The following SLC25A26 variants were observed in gnomAD, a reference collection of about 807,000 sequenced individuals.
SLC25A26 encodes the protein mitochondrial S-adenosylmethionine carrier protein.
In SLC25A26, 36 loss-of-function variants were observed where a neutral mutation model predicts 37.8. The observed-to-expected ratio is 0.95, with a 90% confidence interval of 0.73 to 1.26. The LOEUF (loss-of-function observed/expected upper bound fraction) is 1.26, where lower values mean the gene tolerates loss of function less well. SLC25A26 is among the 50% of genes most tolerant of loss of function. The pLI, the probability that SLC25A26 is intolerant of heterozygous loss-of-function variation, is 0.00. For missense variants in SLC25A26, 390 were observed against 331.1 expected (o/e 1.18, Z -1.38); for synonymous variants, 129 against 122.5 (o/e 1.05, Z -0.35).
chr3:66,324,966 G>C (rs1265329989), intron 5 of SLC25A26, among the ~76,000 whole-genome samples: 1 of 152,124 alleles, frequency 6.6e-6, no homozygotes. Context: ...ATGTACCCAG[G>C]AATTCACAAA....
intron 5 of SLC25A26, among the ~76,000 whole-genome samples, chr3:66,282,160 T>C (rs2074367906): frequency 6.6e-6 from 1 of 151,928 alleles, no homozygotes. Flanking sequence ...TACAGGCGCC[T>C]GCCACCGCGC....
Position 66,377,873 on chromosome 3 carries a change from T to A in SLC25A26, c.*66T>A. The A allele has an allele frequency of 8.2e-7, 1 of 1,215,956 alleles. No individual in the cohort carries two copies. The highest frequency in any genetic ancestry group is 1.2e-5 in the South Asian group (1 of 82,062). 75.3% of individuals were successfully genotyped at this position (1,215,956 alleles called of 1,614,324 possible). ...GCCTGCAGTGCAAACCCTCTTCCGC[T>A]GAGCAGCTGTCTGAACTATAGGCCC... On this transcript the variant is annotated 3_prime_UTR_variant, in exon 10 of 10. Coordinates refer to ENST00000354883, the MANE Select transcript of SLC25A26 (RefSeq NM_001379210.1).
intron 1 of SLC25A26, among the ~76,000 whole-genome samples, chr3:66,211,829 A>G (rs1158018451): frequency 1.3e-5 from 2 of 152,176 alleles, no homozygotes; most frequent in African/African-American, 4.8e-5. Context: ...CATAAAAATG[A>G]CCATTTTAAC....
intron 5 of SLC25A26, among the ~76,000 whole-genome samples, chr3:66,274,618 G>A (rs1366108676): frequency 6.6e-5 from 10 of 152,226 alleles, no homozygotes; most frequent in Admixed American, 6.5e-4. Context: ...CTCCAGAGAA[G>A]ACATTTATGC....
intron 1 of SLC25A26, among the ~76,000 whole-genome samples, chr3:66,142,170 A>C (rs2070045405): frequency 6.6e-6 from 1 of 152,148 alleles, no homozygotes; most frequent in Non-Finnish European, 1.5e-5. Context: ...GGTGACTCCC[A>C]ATCTGCTTTC....
intron 1 of SLC25A26, among the ~76,000 whole-genome samples, chr3:66,159,261 T>C (rs2070324438): frequency 6.6e-6 from 1 of 152,234 alleles, no homozygotes; most frequent in African/African-American, 2.4e-5. Flanking sequence ...TAATGTTATT[T>C]GTTCCTTCTA....
chr3:66,296,977 A>G (rs1052383011), intron 5 of SLC25A26, among the ~76,000 whole-genome samples: 1 of 152,222 alleles, frequency 6.6e-6, no homozygotes, highest in Admixed American at 6.5e-5. Context: ...AAGAGTCCAG[A>G]TTGTTGTCCA....
At chr3:66,167,338 C>T (rs1408885417) in intron 1 of SLC25A26, among the ~76,000 whole-genome samples, 2 of 152,072 alleles carry the variant, frequency 1.3e-5, no homozygotes, top group Non-Finnish European at 1.5e-5. Context: ...TAATCTGCAA[C>T]AGGAGAAAAT....
At chr3:66,239,284 T>G (rs2072454858) in intron 2 of SLC25A26, among the ~76,000 whole-genome samples, 1 of 149,544 alleles carries the variant, frequency 6.7e-6, no homozygotes, top group African/African-American at 2.5e-5. Flanking sequence ...TTTTGCCACA[T>G]CCACAATCTC....
At chr3:66,321,697 A>G (rs983732709) in intron 5 of SLC25A26, among the ~76,000 whole-genome samples, 2 of 152,002 alleles carry the variant, frequency 1.3e-5, no homozygotes, top group Non-Finnish European at 2.9e-5. Context: ...ACATTTTTCA[A>G]AAGTTTTCTT....
At chr3:66,312,626 G>A (rs370473074) in intron 5 of SLC25A26, among the ~76,000 whole-genome samples, 1 of 152,154 alleles carries the variant, frequency 6.6e-6, no homozygotes, top group Non-Finnish European at 1.5e-5. Context: ...AGACCCTGGT[G>A]GCGTAGGCAC....
At chr3:66,318,991 G>C (rs144243479) in intron 5 of SLC25A26, among the ~76,000 whole-genome samples, 1 of 152,256 alleles carries the variant, frequency 6.6e-6, no homozygotes, top group Non-Finnish European at 1.5e-5. Context: ...TACATTGCCC[G>C]TATTGTGACT....
chr3:66,277,970 G>A (rs1326122473), intron 5 of SLC25A26, among the ~76,000 whole-genome samples: 2 of 152,064 alleles, frequency 1.3e-5, no homozygotes, highest in Non-Finnish European at 2.9e-5. Context: ...AATAAGAGAA[G>A]ACTAAGGAGA....
At chr3:66,341,068 A>G (rs1164392670) in intron 5 of SLC25A26, among the ~76,000 whole-genome samples, 1 of 151,774 alleles carries the variant, frequency 6.6e-6, no homozygotes, top group East Asian at 1.9e-4. Flanking sequence ...TTATATTTTT[A>G]TTTGTTTTTC....
At chr3:66,366,517 C>T (rs1015719256) in intron 7 of SLC25A26, among the ~76,000 whole-genome samples, 1 of 152,108 alleles carries the variant, frequency 6.6e-6, no homozygotes, top group Non-Finnish European at 1.5e-5. Flanking sequence ...AAAGTTAGGA[C>T]CTATTGAAGC....
intron 1 of SLC25A26, among the ~76,000 whole-genome samples, chr3:66,182,501 G>A (rs866623302): frequency 1.8e-4 from 28 of 152,044 alleles, no homozygotes; most frequent in African/African-American, 6.8e-4. Flanking sequence ...CTAAAAAGCT[G>A]GAAAACACTG....
At chr3:66,168,717 C>T (rs1319050803) in intron 1 of SLC25A26, among the ~76,000 whole-genome samples, 1 of 152,136 alleles carries the variant, frequency 6.6e-6, no homozygotes, top group Non-Finnish European at 1.5e-5. Flanking sequence ...TGCATGTAAG[C>T]TTCCAGCTCA....
intron 1 of SLC25A26, among the ~76,000 whole-genome samples, chr3:66,209,450 T>G (rs900017040): frequency 7.1e-6 from 1 of 140,400 alleles, no homozygotes; most frequent in Admixed American, 7.6e-5. Flanking sequence ...AAGATATATA[T>G]ATAAAGGTGT....
intron 7 of SLC25A26, among the ~76,000 whole-genome samples, chr3:66,366,373 A>T (rs988650830): frequency 6.6e-6 from 1 of 152,186 alleles, no homozygotes; most frequent in Non-Finnish European, 1.5e-5. Flanking sequence ...ATTCTATTCT[A>T]TTATCTTCAC....
Sources: allele counts gnomAD v4.1 joint callset (sites outside exome capture counted in the v4.1 genomes callset), GRCh38; gene constraint gnomAD v4.1.1; transcripts MANE v1.5; gene names NCBI Gene and HGNC (gene_info 2026-07-23, HGNC 2026-07-21).